Variants in GRIA3 observed in about 807,000 individuals in gnomAD.
The protein encoded by GRIA3 is glutamate ionotropic receptor AMPA type subunit 3.
A neutral mutation model predicts 63.0 loss-of-function variants in GRIA3; 3 were observed. The observed-to-expected ratio is 0.05, with a 90% CI of 0.02 to 0.12. GRIA3 has a LOEUF of 0.12. Ranked by LOEUF, GRIA3 falls within the 10% of genes least tolerant of loss-of-function variation. The pLI, the probability that GRIA3 is intolerant of heterozygous loss-of-function variation, is 1.00. For synonymous variants in GRIA3, 274 were observed against 257.9 expected, an observed-to-expected ratio of 1.06 and a Z score of -0.60; for missense variants, 347 against 700.9, an observed-to-expected ratio of 0.50 and a Z score of 5.70.
chrX:123,350,022 TTAAC>T (rs1400313708), intron 4 of GRIA3, among the ~76,000 whole-genome samples: 1 of 110,990 alleles, frequency 9.0e-6, no homozygotes, highest in Admixed American at 9.6e-5. Context: ...TAAAAAAAAA[TTAAC>T]TAGGAGAGCA....
intron 12 of GRIA3, among the ~76,000 whole-genome samples, chrX:123,442,251 A>AT (rs921715198): frequency 1.8e-5 from 2 of 112,153 alleles, no homozygotes; most frequent in South Asian, 3.7e-4. Context: ...CTAGCCTATA[A>AT]TTTTTTACAA....
chrX:123,255,427 C>G (rs138971580), intron 3 of GRIA3, among the ~76,000 whole-genome samples: 159 of 110,892 alleles, frequency 1.4e-3, no homozygotes, highest in African/African-American at 5.1e-3. Flanking sequence ...TATACATGTA[C>G]TGTATACAGC....
intron 12 of GRIA3, among the ~76,000 whole-genome samples, chrX:123,433,269 G>T (rs956877637): frequency 1.7e-4 from 19 of 111,592 alleles, no homozygotes; most frequent in Non-Finnish European, 3.6e-4. Flanking sequence ...ATAAGGACCA[G>T]ATCAGAATGA....
intron 2 of GRIA3, among the ~76,000 whole-genome samples, chrX:123,250,340 G>A (rs1039002428): frequency 8.9e-6 from 1 of 111,916 alleles, no homozygotes; most frequent in Non-Finnish European, 1.9e-5. Context: ...TCTGCACCCC[G>A]AGTTCAAGGT....
intron 2 of GRIA3, among the ~76,000 whole-genome samples, chrX:123,191,617 C>T (rs914626101): frequency 9.0e-5 from 10 of 111,336 alleles, no homozygotes; most frequent in African/African-American, 2.9e-4. Flanking sequence ...TTTTGCTGGT[C>T]TCTGCCTACT....
rs1327838229 is a variant in GRIA3 at position 123,417,575 on chromosome X, C to T, written c.1674C>T (p.Cys558=). 1 of 1,208,316 alleles carries T rather than the reference C, an allele frequency of 8.3e-7. No individual in the cohort carries two copies. Among genetic ancestry groups the T allele is most frequent in the Admixed American group, 2.2e-5 (1 of 45,979 alleles). ...LDPLAYEIWM[C]IVFAYIGVSV... ...CCCTGGCTTATGAAATCTGGATGTG[C>T]ATTGTCTTTGCTTACATTGGAGTCA... The change falls in exon 11 of 16, where the codon TGC becomes TGT. Residue 558 remains cysteine, a synonymous_variant. Transcript: ENST00000620443.
chrX:123,207,701 A>T (rs1003489427), intron 2 of GRIA3, among the ~76,000 whole-genome samples: 1 of 112,031 alleles, frequency 8.9e-6, no homozygotes, highest in Non-Finnish European at 1.9e-5. Context: ...CATTAAGATT[A>T]AGGTGAGCCA....
intron 13 of GRIA3, among the ~76,000 whole-genome samples, chrX:123,467,225 T>G (rs758564320): frequency 8.9e-6 from 1 of 112,512 alleles, no homozygotes; most frequent in East Asian, 2.8e-4. Flanking sequence ...CATTCGGCTC[T>G]TTCTCCTCTA....
intron 5 of GRIA3, among the ~76,000 whole-genome samples, chrX:123,367,817 C>G: frequency 9.0e-6 from 1 of 111,003 alleles, no homozygotes; most frequent in Admixed American, 9.7e-5. Flanking sequence ...GCATTTAAAC[C>G]CTGAAACAAA....
At chrX:123,336,631 A>T (rs2044976137) in intron 4 of GRIA3, among the ~76,000 whole-genome samples, 1 of 111,270 alleles carries the variant, frequency 9.0e-6, no homozygotes, top group African/African-American at 3.3e-5. Flanking sequence ...AGAAATATAT[A>T]TTATATGTAG....
chrX:123,224,370 G>T (rs1321627921), intron 2 of GRIA3, among the ~76,000 whole-genome samples: 1 of 111,262 alleles, frequency 9.0e-6, no homozygotes, highest in Non-Finnish European at 1.9e-5. Context: ...CGCTCTTTTT[G>T]GACATCTTCA....
chrX:123,395,910 T>C (rs2045410381), intron 6 of GRIA3, among the ~76,000 whole-genome samples: 1 of 110,977 alleles, frequency 9.0e-6, no homozygotes, highest in Non-Finnish European at 1.9e-5. Flanking sequence ...AGTGAAAGTA[T>C]GTACCATAGC....
chrX:123,210,271 C>A (rs1241996217), intron 2 of GRIA3, among the ~76,000 whole-genome samples: 1 of 107,786 alleles, frequency 9.3e-6, no homozygotes, highest in Admixed American at 9.9e-5. Flanking sequence ...CATTCTGTTC[C>A]TAACTCCTAC....
intron 12 of GRIA3, among the ~76,000 whole-genome samples, chrX:123,446,416 T>C (rs1277809288): frequency 1.8e-5 from 2 of 111,621 alleles, no homozygotes; most frequent in Non-Finnish European, 3.8e-5. Context: ...GAAATGCAGA[T>C]TGCCTTCAGG....
chrX:123,286,529 A>G (rs1364047577), intron 3 of GRIA3, among the ~76,000 whole-genome samples: 1 of 111,981 alleles, frequency 8.9e-6, no homozygotes, highest in Non-Finnish European at 1.9e-5. Context: ...CAGACTAATA[A>G]AGAATAAAAG....
chrX:123,335,968 C>T (rs924344051), intron 4 of GRIA3, among the ~76,000 whole-genome samples: 5 of 111,511 alleles, frequency 4.5e-5, no homozygotes, highest in African/African-American at 1.6e-4. Context: ...GAAATTTTCC[C>T]AGATTAAGAG....
chrX:123,324,855 T>C (rs931634952), intron 3 of GRIA3, among the ~76,000 whole-genome samples: 1 of 111,467 alleles, frequency 9.0e-6, no homozygotes, highest in Non-Finnish European at 1.9e-5. Flanking sequence ...AAATTCCGAA[T>C]TGTAGCCTGC....
At position 123,199,274 on chromosome X, in the gene GRIA3, A is replaced by ATTTT. The variant is rs5903635; in HGVS notation, c.268+13302_268+13305dup. ...ACCACCAGACTTTTTAGTCTTTTAA[A>ATTTT]TTTTTTTTTTTTTTTTTTTTTGCTC... On this transcript the variant is annotated intron_variant, in intron 2 of 15. Coordinates refer to ENST00000620443, the MANE Select transcript of GRIA3 (RefSeq NM_007325.5). Among the ~76,000 whole-genome samples, 781 of 78,543 alleles carry ATTTT rather than the reference A, an allele frequency of 9.9e-3. 13 individuals are homozygous for ATTTT. The highest frequency in any genetic ancestry group is 0.014 in the Non-Finnish European group (606 of 42,140). 68.2% of individuals were successfully genotyped at this position (78,543 alleles called of 115,157 possible).
intron 2 of GRIA3, among the ~76,000 whole-genome samples, chrX:123,230,512 T>G (rs971260717): frequency 9.0e-6 from 1 of 111,218 alleles, no homozygotes; most frequent in Non-Finnish European, 1.9e-5. Flanking sequence ...AGTAGGCTGG[T>G]GGGGGAGATA....
Sources: allele counts gnomAD v4.1 joint callset (sites outside exome capture counted in the v4.1 genomes callset), GRCh38; gene constraint gnomAD v4.1.1; transcripts MANE v1.5; gene names NCBI Gene and HGNC (gene_info 2026-07-23, HGNC 2026-07-21).